Variants in SLC35F3 observed in about 807,000 individuals in gnomAD.
SLC35F3 encodes the protein putative thiamine transporter SLC35F3.
SLC35F3 carries 25 observed loss-of-function variants against 49.9 expected under a neutral mutation model. That is an observed-to-expected ratio of 0.50 (90% CI 0.37 to 0.70). The LOEUF (loss-of-function observed/expected upper bound fraction) is 0.70. Among genes scored for constraint, SLC35F3 ranks in the 30% least tolerant of loss-of-function variants. SLC35F3 has a pLI of 0.00. For missense variants in SLC35F3, 525 were observed against 639.8 expected (o/e 0.82, Z 1.94); for synonymous variants, 275 against 265.4 (o/e 1.04, Z -0.35).
chr1:234,071,434 C>T (rs1664710811), intron 2 of SLC35F3, among the ~76,000 whole-genome samples: 1 of 152,142 alleles, frequency 6.6e-6, no homozygotes, highest in African/African-American at 2.4e-5. Context: ...CTGCTGGGTC[C>T]TCCACCCCTG....
At chr1:233,962,434 G>A (rs1353743421) in intron 2 of SLC35F3, among the ~76,000 whole-genome samples, 1 of 152,144 alleles carries the variant, frequency 6.6e-6, no homozygotes, top group Non-Finnish European at 1.5e-5. Flanking sequence ...ATGAATCTCC[G>A]TGCACACATT....
intron 2 of SLC35F3, among the ~76,000 whole-genome samples, chr1:234,137,638 G>GAGGCATCT (rs1558239297): frequency 6.6e-6 from 1 of 152,232 alleles, no homozygotes; most frequent in East Asian, 1.9e-4. Flanking sequence ...TCCTGAGTAA[G>GAGGCATCT]AGGCATCTTC....
At chr1:234,043,398 T>C (rs1355028348) in intron 2 of SLC35F3, among the ~76,000 whole-genome samples, 2 of 152,218 alleles carry the variant, frequency 1.3e-5, no homozygotes, top group East Asian at 3.8e-4. Context: ...TAAAATTATA[T>C]TAAACTCATA....
chr1:234,232,840 T>C (rs1234968823), intron 3 of SLC35F3, among the ~76,000 whole-genome samples: 4 of 152,206 alleles, frequency 2.6e-5, no homozygotes, highest in Non-Finnish European at 4.4e-5. Flanking sequence ...TTTCCGGGAA[T>C]CTACCATGTT....
At chr1:233,908,899 A>C (rs911649081) in intron 2 of SLC35F3, among the ~76,000 whole-genome samples, 10 of 151,944 alleles carry the variant, frequency 6.6e-5, no homozygotes, top group Admixed American at 6.6e-4. Flanking sequence ...TCTGTCGCCC[A>C]GGCTAGAGTG....
chr1:234,218,817 G>A (rs1667159827), intron 2 of SLC35F3, among the ~76,000 whole-genome samples: 1 of 152,060 alleles, frequency 6.6e-6, no homozygotes, highest in Non-Finnish European at 1.5e-5. Flanking sequence ...TTGGGAGGCC[G>A]AGGTGGGTGG....
chr1:233,952,861 T>C (rs1215923571), intron 2 of SLC35F3, among the ~76,000 whole-genome samples: 5 of 152,306 alleles, frequency 3.3e-5, no homozygotes, highest in East Asian at 1.9e-4. Flanking sequence ...CATCAAAAGA[T>C]GGAATTCGCC....
At chr1:234,202,232 A>G (rs1291576145) in intron 2 of SLC35F3, among the ~76,000 whole-genome samples, 3 of 152,100 alleles carry the variant, frequency 2.0e-5, no homozygotes, top group Non-Finnish European at 4.4e-5. Flanking sequence ...GCAGAACAAC[A>G]CATACTAGGG....
intron 2 of SLC35F3, among the ~76,000 whole-genome samples, chr1:233,977,710 G>A (rs1157948854): frequency 6.6e-6 from 1 of 152,130 alleles, no homozygotes; most frequent in Non-Finnish European, 1.5e-5. Context: ...AGTCTGTCTT[G>A]GGACTGAAGC....
At chr1:234,216,683 T>C (rs780409615) in intron 2 of SLC35F3, among the ~76,000 whole-genome samples, 3 of 152,232 alleles carry the variant, frequency 2.0e-5, no homozygotes, top group Non-Finnish European at 2.9e-5. Flanking sequence ...AATGGTGAGA[T>C]TGAGGATCAA....
At chr1:233,967,531 C>T (rs998630092) in intron 2 of SLC35F3, among the ~76,000 whole-genome samples, 1 of 152,068 alleles carries the variant, frequency 6.6e-6, no homozygotes, top group African/African-American at 2.4e-5. Flanking sequence ...TCTGCATTGC[C>T]ACCTTCTATT....
At chr1:234,082,283 A>G (rs2102873270) in intron 2 of SLC35F3, among the ~76,000 whole-genome samples, 1 of 152,328 alleles carries the variant, frequency 6.6e-6, no homozygotes, top group Middle Eastern at 3.4e-3. Context: ...GAAGTACATC[A>G]AATGGCTTTA....
intron 3 of SLC35F3, among the ~76,000 whole-genome samples, chr1:234,276,469 A>G (rs1022063835): frequency 2.0e-5 from 3 of 152,212 alleles, no homozygotes; most frequent in African/African-American, 7.2e-5. Flanking sequence ...TCTACTGTGT[A>G]TAAGGCAGAG....
chr1:234,185,120 T>G (rs1005529714), intron 2 of SLC35F3, among the ~76,000 whole-genome samples: 1 of 152,150 alleles, frequency 6.6e-6, no homozygotes, highest in Non-Finnish European at 1.5e-5. Flanking sequence ...GGAATGATTA[T>G]GAGACAAATA....
At chr1:234,108,684 T>TTA (rs1665341144) in intron 2 of SLC35F3, among the ~76,000 whole-genome samples, 1 of 109,098 alleles carries the variant, frequency 9.2e-6, no homozygotes, top group Non-Finnish European at 1.7e-5. Flanking sequence ...ATATATATTT[T>TTA]TATATATAAA....
At chr1:233,991,474 G>GA (rs1022526648) in intron 2 of SLC35F3, among the ~76,000 whole-genome samples, 8 of 151,800 alleles carry the variant, frequency 5.3e-5, no homozygotes, top group East Asian at 3.9e-4. Context: ...AAAGAAAAAA[G>GA]AAAAAAAACT....
chr1:234,278,467 G>A (rs1193116935), intron 3 of SLC35F3, among the ~76,000 whole-genome samples: 2 of 149,002 alleles, frequency 1.3e-5, no homozygotes, highest in Admixed American at 6.7e-5. Flanking sequence ...TCCAGCCTGG[G>A]CAACAGAGCG....
At chr1:234,071,774 G>A (rs193192110) in intron 2 of SLC35F3, among the ~76,000 whole-genome samples, 4 of 152,256 alleles carry the variant, frequency 2.6e-5, no homozygotes, top group Admixed American at 6.5e-5. Flanking sequence ...CCCAAACTCC[G>A]TACCTCCTAT....
rs1657597333 is a variant in SLC35F3 at position 234,320,769 on chromosome 1, T to C, written c.1237+582T>C. Reference sequence around the variant, plus strand: ...CCCTTTGTTTTCCCCTGGGGACTCGTTGCCAAGGCACACAGTTGACAGCTC... The same window carrying C: ...CCCTTTGTTTTCCCCTGGGGACTCGCTGCCAAGGCACACAGTTGACAGCTC... On this transcript the variant is annotated intron_variant, in intron 7 of 7. Coordinates refer to ENST00000366618, the MANE Select transcript of SLC35F3 (RefSeq NM_173508.4). The surrounding 1 kb of genome is among the most constrained non-coding windows in gnomAD (Gnocchi z 4.8). 6.6e-6 allele frequency among the ~76,000 whole-genome samples: 1 copy of C among 152,160 alleles called. No homozygotes were observed. The highest frequency in any genetic ancestry group is 1.5e-5 in the Non-Finnish European group (1 of 68,024).
Sources: allele counts gnomAD v4.1 joint callset (sites outside exome capture counted in the v4.1 genomes callset), GRCh38; gene constraint gnomAD v4.1.1; non-coding constraint Gnocchi (gnomAD v3.1); transcripts MANE v1.5; gene names NCBI Gene and HGNC (gene_info 2026-07-23, HGNC 2026-07-21).